The following DOK6 variants were observed in gnomAD, a reference collection of about 807,000 sequenced individuals.
The protein encoded by DOK6 is downstream of tyrosine kinase 6.
Under a neutral mutation model 44.0 loss-of-function variants are expected in DOK6, and 22 were observed. The ratio of observed to expected loss-of-function variants is 0.50; its 90% CI spans 0.36 to 0.71. DOK6 has a LOEUF of 0.71. Among genes scored for constraint, DOK6 ranks in the 30% least tolerant of loss-of-function variants. The pLI is 0.00. For synonymous variants in DOK6, 166 were observed against 145.5 expected (o/e 1.14, Z -1.01); for missense variants, 340 against 416.4 (o/e 0.82, Z 1.60).
At chr18:69,793,248 A>G (rs1390839708) in intron 7 of DOK6, among the ~76,000 whole-genome samples, 1 of 152,174 alleles carries the variant, frequency 6.6e-6, no homozygotes, top group Admixed American at 6.6e-5. Context: ...TGAAACAGTA[A>G]CAAAAACAGA....
chr18:69,750,589 G>A (rs1033836941), intron 6 of DOK6, among the ~76,000 whole-genome samples: 28 of 152,140 alleles, frequency 1.8e-4, no homozygotes, highest in African/African-American at 6.5e-4. Flanking sequence ...TGCTGGTGAC[G>A]ACATGGAGAA....
intron 1 of DOK6, among the ~76,000 whole-genome samples, chr18:69,562,599 G>A (rs1453262841): frequency 6.6e-6 from 1 of 152,190 alleles, no homozygotes; most frequent in Non-Finnish European, 1.5e-5. Context: ...CTAGCCATAT[G>A]TAGAAAGCTG....
intron 1 of DOK6, among the ~76,000 whole-genome samples, chr18:69,546,094 A>G (rs1291258461): frequency 6.6e-6 from 1 of 151,260 alleles, no homozygotes; most frequent in Non-Finnish European, 1.5e-5. Flanking sequence ...GCTAGCCAAC[A>G]TCGAGAAAAC....
At chr18:69,542,150 T>C (rs1451215077) in intron 1 of DOK6, among the ~76,000 whole-genome samples, 2 of 151,528 alleles carry the variant, frequency 1.3e-5, no homozygotes, top group Admixed American at 6.6e-5. Flanking sequence ...AGCATTAGTA[T>C]GATTATTTTT....
intron 2 of DOK6, among the ~76,000 whole-genome samples, chr18:69,572,662 A>T (rs1983142074): frequency 6.6e-6 from 1 of 152,068 alleles, no homozygotes; most frequent in Non-Finnish European, 1.5e-5. Context: ...GGAACAGCAT[A>T]GAAATCTAGG....
rs542929295 is a variant in DOK6 at position 69,533,952 on chromosome 18, A to G, written c.67-30535A>G. 2.0e-5 allele frequency among the ~76,000 whole-genome samples: 3 copies of G among 152,322 alleles called. No homozygotes were observed. In the South Asian group the frequency reaches 6.2e-4, roughly 32 times the overall value. On this transcript the variant is annotated intron_variant, in intron 1 of 7. Coordinates refer to ENST00000382713, the MANE Select transcript of DOK6 (RefSeq NM_152721.6). ...ATAGATCAATAAATAAAGACAGATA[A>G]AATGTAGATATGCATGCCTACATGA... is the stretch of plus-strand genomic sequence containing the variant.
intron 2 of DOK6, among the ~76,000 whole-genome samples, chr18:69,595,934 T>G (rs1983730882): frequency 6.6e-6 from 1 of 152,152 alleles, no homozygotes; most frequent in Non-Finnish European, 1.5e-5. Context: ...AGAATAAAGC[T>G]GACCATAAAA....
At chr18:69,548,068 C>T (rs1982455837) in intron 1 of DOK6, among the ~76,000 whole-genome samples, 1 of 150,598 alleles carries the variant, frequency 6.6e-6, no homozygotes, top group African/African-American at 2.4e-5. Context: ...ATTCTCCTGC[C>T]TCAGCCTCCC....
chr18:69,424,822 T>C (rs1003404115), intron 1 of DOK6, among the ~76,000 whole-genome samples: 3 of 152,174 alleles, frequency 2.0e-5, no homozygotes, highest in African/African-American at 7.2e-5. Flanking sequence ...TTCTTCTCCA[T>C]TTATTAAAAT....
rs57486782 is a variant in DOK6 at position 69,811,524 on chromosome 18, TTATATATATA to T, written c.857-29676_857-29667del. Among the ~76,000 whole-genome samples the T allele has an allele frequency of 1.5e-3, 137 of 93,688 alleles. 1 individual carries two copies. Among genetic ancestry groups the T allele is most frequent in the Middle Eastern group, 5.9e-3 (1 of 170 alleles). The allele number at this position is 93,688 out of a possible 152,430, so 61.5% of individuals were successfully genotyped here. On this transcript the variant is annotated intron_variant, in intron 7 of 7. Coordinates refer to ENST00000382713, the MANE Select transcript of DOK6 (RefSeq NM_152721.6). Reference sequence around the variant, plus strand: ...TAATTAGCTTGATTTAACCATTCCATTATATATATATATATATATATATATATATATATAT... The same window carrying T: ...TAATTAGCTTGATTTAACCATTCCATTATATATATATATATATATATATAT...
At position 69,446,051 on chromosome 18, in the gene DOK6, C is replaced by CTAAT. The variant is rs141097147; in HGVS notation, c.66+44760_66+44763dup. Among the ~76,000 whole-genome samples the CTAAT allele has an allele frequency of 7.9e-4, 120 of 151,210 alleles. 1 individual carries two copies. Among genetic ancestry groups the CTAAT allele is most frequent in the African/African-American group, 2.0e-3 (81 of 41,074 alleles). On this transcript the variant is annotated intron_variant, in intron 1 of 7. Transcript: ENST00000382713. ...GTATTTATATTTCTTTTTTTATTTC[C>CTAAT]TAATTAATTAATTAATTAATTATAC... is the stretch of plus-strand genomic sequence containing the variant.
intron 1 of DOK6, among the ~76,000 whole-genome samples, chr18:69,425,910 T>C (rs1215466386): frequency 1.3e-5 from 2 of 152,152 alleles, no homozygotes; most frequent in Non-Finnish European, 2.9e-5. Context: ...GATATACGTA[T>C]TCATATTATT....
At chr18:69,782,501 G>T (rs576224619) in intron 7 of DOK6, among the ~76,000 whole-genome samples, 2 of 150,570 alleles carry the variant, frequency 1.3e-5, no homozygotes, top group South Asian at 2.2e-4. Context: ...GTGAGCCACC[G>T]CACTCGGCCG....
At chr18:69,617,303 CAAAGA>C (rs902463916) in intron 3 of DOK6, among the ~76,000 whole-genome samples, 37 of 122,574 alleles carry the variant, frequency 3.0e-4, no homozygotes, top group African/African-American at 1.1e-3. Flanking sequence ...CTGACAGAGA[CAAAGA>C]AAAGAAAAGA....
At chr18:69,411,584 T>C (rs1032492184) in intron 1 of DOK6, among the ~76,000 whole-genome samples, 6 of 152,308 alleles carry the variant, frequency 3.9e-5, no homozygotes, top group Middle Eastern at 3.4e-3. Flanking sequence ...CATTTGAAAA[T>C]GATTAGTCTC....
intron 6 of DOK6, among the ~76,000 whole-genome samples, chr18:69,746,002 T>G (rs1182776192): frequency 6.6e-6 from 1 of 152,222 alleles, no homozygotes; most frequent in Non-Finnish European, 1.5e-5. Flanking sequence ...TTTAAATCAC[T>G]AAGAAATTTA....
chr18:69,748,262 A>C (rs1317703939), intron 6 of DOK6, among the ~76,000 whole-genome samples: 1 of 152,154 alleles, frequency 6.6e-6, no homozygotes, highest in Non-Finnish European at 1.5e-5. Flanking sequence ...AGAGACCTAT[A>C]AAGAGACTTA....
At chr18:69,784,498 A>G (rs1433366264) in intron 7 of DOK6, among the ~76,000 whole-genome samples, 1 of 151,544 alleles carries the variant, frequency 6.6e-6, no homozygotes, top group Non-Finnish European at 1.5e-5. Context: ...TATAAAATGT[A>G]ATATAAAATA....
rs201713032 is a variant in DOK6 at position 69,535,798 on chromosome 18, T to TA, written c.67-28682dup. On this transcript the variant is annotated intron_variant, in intron 1 of 7. Coordinates refer to ENST00000382713, the MANE Select transcript of DOK6 (RefSeq NM_152721.6). ...TTATGAAACTGTGGATTTCAGAAAA[T>TA]AAAAAAATATCTACAGAGTTCTGAG... Among the ~76,000 whole-genome samples, 1,042 of 151,776 alleles carry TA rather than the reference T, an allele frequency of 6.9e-3. 13 individuals carry two copies. Among genetic ancestry groups the TA allele is most frequent in the African/African-American group, 0.024 (992 of 41,418 alleles).
Sources: allele counts gnomAD v4.1 joint callset (sites outside exome capture counted in the v4.1 genomes callset), GRCh38; gene constraint gnomAD v4.1.1; transcripts MANE v1.5; gene names NCBI Gene and HGNC (gene_info 2026-07-23, HGNC 2026-07-21).